Variants in POLGARF observed in about 807,000 individuals in gnomAD.
POLGARF encodes POLG alternative reading frame.
the POLGARF span, chr15:89,333,258 G>T: frequency 1.9e-6 from 3 of 1,566,088 alleles, no homozygotes; most frequent in Non-Finnish European, 2.6e-6. Context: ...CCAAGCCGGG[G>T]GCTTCGGGGG....
At chr15:89,333,398 G>T in the POLGARF span, 1 of 1,598,278 alleles carries the variant, frequency 6.3e-7, no homozygotes, top group African/African-American at 1.3e-5. Flanking sequence ...CGTCGGGCAA[G>T]GGCACGGCTG....
the POLGARF span, among the ~76,000 whole-genome samples, chr15:89,330,764 A>G: frequency 6.6e-6 from 1 of 150,634 alleles, no homozygotes; most frequent in East Asian, 1.9e-4. Context: ...GCTGCTGCAC[A>G]CATGTACAGG....
the POLGARF span, chr15:89,333,588 GGCTGCTGTTGCTGCT>G: frequency 1.9e-6 from 3 of 1,604,890 alleles, no homozygotes; most frequent in Non-Finnish European, 2.5e-6. Context: ...CGGCTGCTGA[GGCTGCTGTTGCTGCT>G]GCTGCTGCTG....
the POLGARF span, chr15:89,332,367 T>A: frequency 6.6e-6 from 1 of 152,232 alleles, no homozygotes; most frequent in South Asian, 2.1e-4. Flanking sequence ...GTAAATAGTA[T>A]TTTAATCCTG....
the POLGARF span, chr15:89,333,330 A>T: frequency 1.3e-6 from 2 of 1,559,706 alleles, no homozygotes; most frequent in South Asian, 1.2e-5. Flanking sequence ...CTTCTGGGCC[A>T]GGAGGCGGAA....
chr15:89,333,259 G>A, the POLGARF span: 10 of 1,566,430 alleles, frequency 6.4e-6, no homozygotes, highest in East Asian at 2.4e-5. Context: ...CAAGCCGGGG[G>A]CTTCGGGGGC....
the POLGARF span, chr15:89,330,337 A>C: frequency 3.9e-6 from 5 of 1,282,310 alleles, no homozygotes; most frequent in Non-Finnish European, 5.5e-6. Flanking sequence ...ACTCCACAAC[A>C]ACCACTGCAC....
At chr15:89,331,931 A>C in the POLGARF span, among the ~76,000 whole-genome samples, 1 of 152,206 alleles carries the variant, frequency 6.6e-6, no homozygotes. Flanking sequence ...CAGGGAGGGA[A>C]AGGAGAGGTA....
chr15:89,333,616 G>GCTA, the POLGARF span: 1 of 1,601,214 alleles, frequency 6.2e-7, no homozygotes. Flanking sequence ...TGCTGCTGCT[G>GCTA]CTGCTGCTGC....
the POLGARF span, chr15:89,333,790 C>T: frequency 1.3e-6 from 2 of 1,534,568 alleles, no homozygotes; most frequent in South Asian, 1.2e-5. Flanking sequence ...GGAGTCAGAA[C>T]ACCTGGCTTT....
chr15:89,333,238 C>T, the POLGARF span: 2 of 1,576,810 alleles, frequency 1.3e-6, no homozygotes, highest in East Asian at 2.3e-5. Flanking sequence ...GTCCAGCCCT[C>T]CGCCCAGGCC....
chr15:89,333,190 T>C, the POLGARF span: 3 of 1,569,682 alleles, frequency 1.9e-6, no homozygotes, highest in Non-Finnish European at 1.7e-6. Context: ...TCCTCGGGGA[T>C]GGCCACGGGT....
At chr15:89,333,799 T>C in the POLGARF span, 9 of 1,533,922 alleles carry the variant, frequency 5.9e-6, no homozygotes, top group Non-Finnish European at 7.9e-6. Flanking sequence ...ACACCTGGCT[T>C]TGGGCTCCAG....
chr15:89,333,130 G>C, the POLGARF span: 2 of 1,526,648 alleles, frequency 1.3e-6, no homozygotes, highest in Non-Finnish European at 1.8e-6. Context: ...GCCAATGTGG[G>C]GCAAGTTCCC....
chr15:89,331,311 T>C, the POLGARF span, among the ~76,000 whole-genome samples: 1 of 143,056 alleles, frequency 7.0e-6, no homozygotes, highest in African/African-American at 2.5e-5. Context: ...CCCCCCACAT[T>C]TTAATTCAGC....
the POLGARF span, among the ~76,000 whole-genome samples, chr15:89,331,079 A>C: frequency 6.6e-6 from 1 of 152,246 alleles, no homozygotes; most frequent in Non-Finnish European, 1.5e-5. Context: ...TCAGCATCAA[A>C]GTGAGTGACG....
the POLGARF span, chr15:89,333,399 G>C: frequency 6.3e-7 from 1 of 1,598,978 alleles, no homozygotes; most frequent in Non-Finnish European, 8.5e-7. Flanking sequence ...GTCGGGCAAG[G>C]GCACGGCTGG....
the POLGARF span, chr15:89,330,305 A>G: frequency 5.9e-4 from 929 of 1,566,534 alleles, 1 homozygote; most frequent in Admixed American, 1.0e-3. Flanking sequence ...AGGCAGGTTC[A>G]CCATGGAGAC....
the POLGARF span, chr15:89,330,256 C>T: frequency 3.7e-6 from 6 of 1,611,918 alleles, no homozygotes; most frequent in East Asian, 4.5e-5. Context: ...TTCCACCAGC[C>T]GCTGGCTGCA....
Sources: gnomAD v4.1 joint callset for allele counts (sites outside exome capture counted in the v4.1 genomes callset) on GRCh38, gnomAD v4.1.1 for gene constraint, MANE v1.5 for transcripts, NCBI Gene and HGNC (gene_info 2026-07-23, HGNC 2026-07-21) for gene names.